Variants in TRPC4 observed in about 807,000 individuals in gnomAD.
TRPC4 encodes transient receptor potential cation channel subfamily C member 4.
Under a neutral mutation model 99.4 loss-of-function variants are expected in TRPC4, and 49 were observed. That is an observed-to-expected ratio of 0.49 (90% CI 0.39 to 0.63). TRPC4 has a LOEUF of 0.63. Ranked by LOEUF, TRPC4 falls within the 20% of genes least tolerant of loss-of-function variation. The pLI is 0.00. For missense variants in TRPC4, 898 were observed against 1,152.9 expected (o/e 0.78, Z 3.20); for synonymous variants, 454 against 425.9 (o/e 1.07, Z -0.81).
Position 37,636,892 on chromosome 13 carries a change from T to A in TRPC4, c.*11A>T. 6.2e-7 allele frequency: 1 copy of A among 1,602,494 alleles called. No homozygotes were observed. The highest frequency in any genetic ancestry group is 8.5e-7 in the Non-Finnish European group (1 of 1,173,856). On this transcript the variant is annotated 3_prime_UTR_variant, in exon 11 of 11. Coordinates refer to ENST00000379705, the MANE Select transcript of TRPC4 (RefSeq NM_016179.4). ...ACGTATGTGTATGGTAAACGCTTCC[T>A]CCTTCAAGTATCACAATCTTGTGGT...
At chr13:37,656,833 G>A (rs1212403620) in intron 6 of TRPC4, among the ~76,000 whole-genome samples, 1 of 152,178 alleles carries the variant, frequency 6.6e-6, no homozygotes, top group Non-Finnish European at 1.5e-5. Context: ...TCATTTTAAT[G>A]CTGACACACA....
chr13:37,775,134 T>C (rs551817228), intron 2 of TRPC4, among the ~76,000 whole-genome samples: 1 of 151,768 alleles, frequency 6.6e-6, no homozygotes, highest in Non-Finnish European at 1.5e-5. Context: ...CTTATTTTAA[T>C]GTAAACTCAT....
Position 37,757,909 on chromosome 13 carries a change from T to A in TRPC4, c.379-11454A>T, listed in dbSNP as rs548838424. Among the ~76,000 whole-genome samples, 3 of 152,048 alleles carry A rather than the reference T, an allele frequency of 2.0e-5. No individual in the cohort carries two copies. The South Asian group carries it at 6.2e-4, about 32-fold the overall frequency. On this transcript the variant is annotated intron_variant, in intron 2 of 10. Coordinates refer to ENST00000379705, the MANE Select transcript of TRPC4 (RefSeq NM_016179.4). ...AATATATTCTGGGGAAATCCCAAAT[T>A]GGTGGGTAGGGTTCAAGGTTGGAAA...
intron 2 of TRPC4, among the ~76,000 whole-genome samples, chr13:37,751,134 C>T (rs1408409995): frequency 6.6e-6 from 1 of 151,910 alleles, no homozygotes; most frequent in Non-Finnish European, 1.5e-5. Context: ...TTTTAAAATG[C>T]AGGACAATGG....
chr13:37,815,155 A>G (rs1206521108), intron 1 of TRPC4, among the ~76,000 whole-genome samples: 1 of 151,828 alleles, frequency 6.6e-6, no homozygotes, highest in Non-Finnish European at 1.5e-5. Context: ...CCCAAACTTC[A>G]TACAATATGG....
chr13:37,747,849 G>A (rs542741016), intron 2 of TRPC4, among the ~76,000 whole-genome samples: 17 of 152,154 alleles, frequency 1.1e-4, no homozygotes, highest in Non-Finnish European at 2.4e-4. Flanking sequence ...GTACTAGGGT[G>A]ACCACACTGC....
At chr13:37,736,387 G>C (rs186089729) in intron 3 of TRPC4, among the ~76,000 whole-genome samples, 14 of 152,250 alleles carry the variant, frequency 9.2e-5, no homozygotes, top group Admixed American at 5.2e-4. Context: ...CAGGAATTCT[G>C]CCTTATATCT....
intron 3 of TRPC4, among the ~76,000 whole-genome samples, chr13:37,693,211 T>C (rs1953781560): frequency 6.6e-6 from 1 of 152,116 alleles, no homozygotes; most frequent in South Asian, 2.1e-4. Context: ...AGTTAAGCAA[T>C]ATATGAATTA....
intron 1 of TRPC4, among the ~76,000 whole-genome samples, chr13:37,868,175 AAAAT>A (rs139272076): frequency 0.034 from 5,223 of 152,244 alleles, 307 homozygotes; most frequent in African/African-American, 0.12. Flanking sequence ...GTGCAACAGA[AAAAT>A]AAATAATATA....
At chr13:37,746,566 G>A (rs1330054639) in intron 2 of TRPC4, 111 bp from the exon 3 acceptor site, 3 of 807,808 alleles carry the variant, frequency 3.7e-6, no homozygotes, top group South Asian at 6.8e-5. Flanking sequence ...TCCTTGGCCG[G>A]GTTTTTTTTT....
intron 2 of TRPC4, among the ~76,000 whole-genome samples, chr13:37,764,253 A>G (rs1213796549): frequency 6.6e-6 from 1 of 151,574 alleles, no homozygotes; most frequent in African/African-American, 2.4e-5. Context: ...TCAGTTAGAC[A>G]ACTCAAATGT....
chr13:37,736,552 G>A (rs1451338861), intron 3 of TRPC4, among the ~76,000 whole-genome samples: 1 of 151,980 alleles, frequency 6.6e-6, no homozygotes, highest in Non-Finnish European at 1.5e-5. Context: ...CAATTCAGAT[G>A]GGCAAGTTAA....
intron 1 of TRPC4, among the ~76,000 whole-genome samples, chr13:37,796,847 C>T (rs1338736441): frequency 6.6e-6 from 1 of 151,248 alleles, no homozygotes; most frequent in Non-Finnish European, 1.5e-5. Flanking sequence ...AATCCCAGTA[C>T]TTTGAGAGGC....
chr13:37,837,471 G>C (rs1481411346), intron 1 of TRPC4, among the ~76,000 whole-genome samples: 2 of 152,216 alleles, frequency 1.3e-5, no homozygotes, highest in Non-Finnish European at 2.9e-5. Flanking sequence ...TGACCTGGAT[G>C]TGAGACTTGG....
chr13:37,759,324 G>T (rs941828017), intron 2 of TRPC4, among the ~76,000 whole-genome samples: 2 of 151,060 alleles, frequency 1.3e-5, no homozygotes, highest in Non-Finnish European at 3.0e-5. Context: ...TTTTTTGTCT[G>T]CCCTGAGATT....
intron 5 of TRPC4, among the ~76,000 whole-genome samples, chr13:37,671,044 G>A (rs985812905): frequency 9.9e-5 from 15 of 151,858 alleles, no homozygotes; most frequent in Non-Finnish European, 1.9e-4. Flanking sequence ...CTACCTGACC[G>A]TGACCCACTT....
Position 37,639,317 on chromosome 13 carries a change from A to G in TRPC4, c.2080-18T>C, listed in dbSNP as rs200067916. ...GCTCGCCTCTGAAAAGGAAAAGGAC[A>G]TTCCTTTCTGGTTATACTGTTATAT... On this transcript the variant is annotated intron_variant, in intron 8 of 10. Transcript: ENST00000379705. 317 of 1,611,892 alleles carry G rather than the reference A, an allele frequency of 2.0e-4. No individual in the cohort carries two copies. Among genetic ancestry groups the G allele is most frequent in the Non-Finnish European group, 2.5e-4 (298 of 1,178,268 alleles).
Position 37,753,088 on chromosome 13 carries a change from A to T in TRPC4, c.379-6633T>A, listed in dbSNP as rs2139199602. 2.0e-5 allele frequency among the ~76,000 whole-genome samples: 3 copies of T among 151,950 alleles called. No individual in the cohort carries two copies. In the South Asian group the frequency reaches 6.2e-4, roughly 31 times the overall value. ...AAGAGTATGAATAAAACAAAGGGGA[A>T]ATTAATTTAGAGATTTTTTTAATCA... On this transcript the variant is annotated intron_variant, in intron 2 of 10. Transcript: ENST00000379705.
chr13:37,755,003 G>A (rs569832955), intron 2 of TRPC4, among the ~76,000 whole-genome samples: 32 of 151,940 alleles, frequency 2.1e-4, no homozygotes, highest in East Asian at 3.9e-4. Context: ...GTTTTTTGCC[G>A]TTAAAAGTAA....
Sources: allele counts gnomAD v4.1 joint callset (sites outside exome capture counted in the v4.1 genomes callset), GRCh38; gene constraint gnomAD v4.1.1; transcripts MANE v1.5; gene names NCBI Gene and HGNC (gene_info 2026-07-23, HGNC 2026-07-21).